The following EFCAB8 variants were observed in gnomAD, a reference collection of about 807,000 sequenced individuals.
The protein encoded by EFCAB8 is EF-hand calcium-binding domain-containing protein 8.
In EFCAB8, 100 loss-of-function variants were observed where a neutral mutation model predicts 116.3. The observed-to-expected ratio is 0.86, with a 90% CI of 0.73 to 1.02. The LOEUF (loss-of-function observed/expected upper bound fraction) is 1.02, where lower values mean the gene tolerates loss of function less well. EFCAB8 is among the 50% of genes least tolerant of loss of function. The pLI is 0.00. For missense variants in EFCAB8, 1,320 were observed against 1,416.9 expected (o/e 0.93, Z 1.10); for synonymous variants, 558 against 567.9 (o/e 0.98, Z 0.25).
chr20:32,906,688 G>C, intron 12 of EFCAB8, 59 bp downstream of exon 12: 2 of 717,836 alleles, frequency 2.8e-6, no homozygotes, highest in Non-Finnish European at 2.6e-6. Flanking sequence ...GGGATGGGGG[G>C]ACCACCAGAG....
intron 18 of EFCAB8, 61 bp downstream of exon 18, chr20:32,917,566 TGGGGCAGGGAGGGTG>T: frequency 1.1e-5 from 5 of 471,282 alleles, no homozygotes; most frequent in Non-Finnish European, 2.1e-5. Flanking sequence ...CAGAATCCTG[TGGGGCAGGGAGGGTG>T]GGGAGCACCC....
At chr20:32,903,226 C>T (rs987414853) in intron 11 of EFCAB8, among the ~76,000 whole-genome samples, 2 of 152,230 alleles carry the variant, frequency 1.3e-5, no homozygotes, top group African/African-American at 4.8e-5. Flanking sequence ...TAGGCTGCTC[C>T]CTCCGGCTGA....
At chr20:32,950,723 A>G (rs1988772021) in intron 23 of EFCAB8, among the ~76,000 whole-genome samples, 1 of 152,194 alleles carries the variant, frequency 6.6e-6, no homozygotes. Context: ...GTGCTTCTTA[A>G]GACCCACTGT....
At chr20:32,913,375 C>G (rs868779453) in intron 17 of EFCAB8, among the ~76,000 whole-genome samples, 1 of 152,110 alleles carries the variant, frequency 6.6e-6, no homozygotes. Context: ...GCACTAATCC[C>G]ATTCATGAGG....
intron 4 of EFCAB8, 65 bp downstream of exon 4, chr20:32,876,109 G>A (rs1421417069): frequency 1.5e-6 from 2 of 1,375,272 alleles, no homozygotes; most frequent in East Asian, 2.5e-5. Flanking sequence ...TCCTTGACCA[G>A]TTGGTGGGGC....
intron 23 of EFCAB8, among the ~76,000 whole-genome samples, chr20:32,952,037 A>T (rs1379494200): frequency 6.6e-6 from 1 of 152,110 alleles, no homozygotes; most frequent in Non-Finnish European, 1.5e-5. Context: ...AAGTGGGTGG[A>T]TTGCTTGAGC....
At chr20:32,871,487 A>G (rs963454912) in intron 3 of EFCAB8, among the ~76,000 whole-genome samples, 3 of 151,988 alleles carry the variant, frequency 2.0e-5, no homozygotes, top group Admixed American at 6.6e-5. Flanking sequence ...GCTATGCTGT[A>G]TTCCTTGCTT....
chr20:32,880,903 A>G (rs973310038), intron 5 of EFCAB8, among the ~76,000 whole-genome samples: 15 of 152,008 alleles, frequency 9.9e-5, no homozygotes, highest in African/African-American at 1.4e-4. Context: ...CAAAACATAT[A>G]TATATATAAA....
intron 2 of EFCAB8, among the ~76,000 whole-genome samples, chr20:32,864,423 A>G (rs1984283341): frequency 6.6e-6 from 1 of 152,072 alleles, no homozygotes; most frequent in African/African-American, 2.4e-5. Context: ...TCTCTACAAA[A>G]AGTAAAAAAT....
Position 32,930,758 on chromosome 20 carries a change from T to C in EFCAB8, c.2631+142T>C, listed in dbSNP as rs997733663. On this transcript the variant is annotated intron_variant, in intron 21 of 26. Transcript: ENST00000400522. Reference sequence around the variant, plus strand: ...TGAAACAATGCAGCGAGGAGTCCTCTCCTGCTCTGCTAAGCCCAGTGACAG... The same window carrying C: ...TGAAACAATGCAGCGAGGAGTCCTCCCCTGCTCTGCTAAGCCCAGTGACAG... 7 of 804,040 alleles carry C rather than the reference T, an allele frequency of 8.7e-6. No individual in the cohort carries two copies. The Admixed American group carries it at 1.6e-4, about 19-fold the overall frequency. 49.8% of individuals were successfully genotyped at this position (804,040 alleles called of 1,614,324 possible). A position where few individuals can be genotyped will look rare whatever the true frequency, so the allele number is the denominator to read the frequency against.
chr20:32,878,994 C>T (rs973274144), intron 5 of EFCAB8, among the ~76,000 whole-genome samples, 187 bp downstream of exon 5: 35 of 152,178 alleles, frequency 2.3e-4, no homozygotes, highest in African/African-American at 5.3e-4. Context: ...GACTAAGGTA[C>T]GTGATTTGTC....
chr20:32,910,520 A>G (rs1986868521), intron 15 of EFCAB8, among the ~76,000 whole-genome samples: 2 of 152,102 alleles, frequency 1.3e-5, no homozygotes, highest in Non-Finnish European at 2.9e-5. Context: ...GGCTCTGGAC[A>G]GGTGCGCCGC....
intron 3 of EFCAB8, among the ~76,000 whole-genome samples, chr20:32,870,260 C>T (rs760108062): frequency 1.3e-5 from 2 of 152,166 alleles, no homozygotes; most frequent in African/African-American, 2.4e-5. Flanking sequence ...GAAGTGCCAC[C>T]ACTGTGTCTG....
intron 9 of EFCAB8, among the ~76,000 whole-genome samples, chr20:32,894,385 C>T (rs1031637932): frequency 3.9e-5 from 6 of 152,222 alleles, no homozygotes; most frequent in Non-Finnish European, 5.9e-5. Context: ...TCATTGGCCT[C>T]GGGTGCCTGC....
At chr20:32,896,980 T>C (rs1002631250) in intron 10 of EFCAB8, among the ~76,000 whole-genome samples, 1 of 152,160 alleles carries the variant, frequency 6.6e-6, no homozygotes, top group African/African-American at 2.4e-5. Context: ...AGCTCTGGGC[T>C]TGTTTTCAAC....
intron 5 of EFCAB8, among the ~76,000 whole-genome samples, chr20:32,884,032 G>T (rs756267770): frequency 6.6e-6 from 1 of 152,204 alleles, no homozygotes; most frequent in South Asian, 2.1e-4. Flanking sequence ...CACTCTGCCC[G>T]GTCAGGTCTT....
At chr20:32,899,911 G>A (rs564024080) in intron 11 of EFCAB8, among the ~76,000 whole-genome samples, 1 of 152,146 alleles carries the variant, frequency 6.6e-6, no homozygotes, top group South Asian at 2.1e-4. Context: ...CTACTGTGCC[G>A]TTTACTGTGG....
rs1436045504 is a variant in EFCAB8, at chr20:32,918,457, C to G, written c.2157C>G (p.Leu719=). 6.4e-7 allele frequency: 1 copy of G among 1,551,746 alleles called. No homozygotes were observed. The highest frequency in any genetic ancestry group is 1.4e-5 in the African/African-American group (1 of 73,162). The part of the protein sequence containing the change: ...EKWTYKTSRK[L]SSLSPESVAN... ...GGACATACAAGACCTCCAGGAAGCT[C>G]TCCAGTCTCAGCCCCGAGTCTGTGG... The change falls in exon 19 of 27, where the codon CTC becomes CTG. Residue 719 remains leucine (L), a synonymous_variant. Transcript: ENST00000400522.
chr20:32,929,387 G>T (rs1987796190), intron 20 of EFCAB8, among the ~76,000 whole-genome samples: 1 of 151,336 alleles, frequency 6.6e-6, no homozygotes, highest in African/African-American at 2.4e-5. Flanking sequence ...ACTAATTTCG[G>T]ATTTCTACAA....
Sources: allele counts gnomAD v4.1 joint callset (sites outside exome capture counted in the v4.1 genomes callset), GRCh38; gene constraint gnomAD v4.1.1; transcripts MANE v1.5; gene names NCBI Gene and HGNC (gene_info 2026-07-23, HGNC 2026-07-21).